PDS5A: variants seen among roughly 807,000 people sequenced by gnomAD.
The protein encoded by PDS5A is sister chromatid cohesion protein PDS5 homolog A.
PDS5A carries 42 observed loss-of-function variants against 167.1 expected under a neutral mutation model. The ratio of observed to expected loss-of-function variants is 0.25; its 90% confidence interval spans 0.20 to 0.33. The LOEUF (loss-of-function observed/expected upper bound fraction) is 0.33. Ranked by LOEUF, PDS5A falls within the 10% of genes least tolerant of loss-of-function variation. The pLI is 1.00. For missense variants in PDS5A, 1,033 were observed against 1,605.9 expected, an observed-to-expected ratio of 0.64 and a Z score of 6.10; for synonymous variants, 553 against 554.6, an observed-to-expected ratio of 1.00 and a Z score of 0.04.
chr4:39,833,388 A>G (rs1716103191), intron 32 of PDS5A, among the ~76,000 whole-genome samples: 1 of 151,796 alleles, frequency 6.6e-6, no homozygotes, highest in Admixed American at 6.6e-5. Flanking sequence ...TAAAATTGGT[A>G]TTTTGTGTGT....
chr4:39,938,125 T>C (rs183570213), intron 2 of PDS5A, among the ~76,000 whole-genome samples: 2 of 152,338 alleles, frequency 1.3e-5, no homozygotes, highest in Non-Finnish European at 2.9e-5. Flanking sequence ...TCGTTTTCTG[T>C]ATATCACTTT....
At position 39,976,610 on chromosome 4, in the gene PDS5A, A is replaced by G. The variant is rs749385926; in HGVS notation, c.-33T>C. The G allele has an allele frequency of 6.4e-7, 1 of 1,572,962 alleles. No homozygotes were observed. The highest frequency in any genetic ancestry group is 8.7e-7 in the Non-Finnish European group (1 of 1,152,182). On this transcript the variant is annotated 5_prime_UTR_variant, in exon 2 of 33. It removes the in-frame stop codon of an upstream open reading frame in the 5' UTR. Coordinates refer to ENST00000303538, the MANE Select transcript of PDS5A (RefSeq NM_001100399.2). ...GACAACTTTTGGTTCACAGTCCTCTACCGGCCTCTATCGGTCAGAAAACCA... is the reference window on the plus strand; with the variant it reads ...GACAACTTTTGGTTCACAGTCCTCTGCCGGCCTCTATCGGTCAGAAAACCA...
At chr4:39,867,822 C>T (rs1719685325) in intron 22 of PDS5A, among the ~76,000 whole-genome samples, 1 of 151,604 alleles carries the variant, frequency 6.6e-6, no homozygotes, top group South Asian at 2.1e-4. Context: ...TTGAGAGTTT[C>T]AGTTTTGTGG....
At chr4:39,938,691 G>A (rs910672745) in intron 2 of PDS5A, among the ~76,000 whole-genome samples, 3 of 152,058 alleles carry the variant, frequency 2.0e-5, no homozygotes, top group Non-Finnish European at 2.9e-5. Flanking sequence ...TATAAGTTAG[G>A]CCAGGCGCAG....
rs1266672597 is a variant in PDS5A, at chr4:39,904,095, T to A, written c.1330A>T (p.Ser444Cys). The A allele has an allele frequency of 6.2e-7, 1 of 1,612,230 alleles. No homozygotes were observed. Among genetic ancestry groups the A allele is most frequent in the Non-Finnish European group, 8.5e-7 (1 of 1,178,676 alleles). Residue 444 changes from serine to cysteine, a missense_variant, in exon 12 of 33, where the codon AGC (serine) becomes TGC (cysteine). Coordinates refer to ENST00000303538, the MANE Select transcript of PDS5A (RefSeq NM_001100399.2). ...TGCAGAAGTTTGTCCTTTATCCAGCTGACTTTCTCTGCAGCTTCCTTTCCT... is the reference window on the plus strand; with the variant it reads ...TGCAGAAGTTTGTCCTTTATCCAGCAGACTTTCTCTGCAGCTTCCTTTCCT... ...EAGKEAAEKV[S>C]WIKDKLLHIY...
At chr4:39,930,047 C>G (rs1418220166) in intron 2 of PDS5A, among the ~76,000 whole-genome samples, 1 of 150,722 alleles carries the variant, frequency 6.6e-6, no homozygotes, top group Non-Finnish European at 1.5e-5. Context: ...AACCCCGTCT[C>G]TACTAAAAAT....
intron 24 of PDS5A, 102 bp from the exon 25 acceptor site, chr4:39,863,175 TG>T: frequency 1.0e-6 from 1 of 971,080 alleles, no homozygotes; most frequent in Non-Finnish European, 1.6e-6. Flanking sequence ...GATAATTATA[TG>T]GGAGAATAAA....
At chr4:39,912,747 A>G (rs1724002002) in intron 9 of PDS5A, among the ~76,000 whole-genome samples, 1 of 152,230 alleles carries the variant, frequency 6.6e-6, no homozygotes, top group Admixed American at 6.5e-5. Context: ...ATGCAAGGAG[A>G]AATTTAATGA....
chr4:39,838,276 A>T, intron 31 of PDS5A, 68 bp from the exon 32 acceptor site: 2 of 1,162,848 alleles, frequency 1.7e-6, no homozygotes, highest in Non-Finnish European at 2.4e-6. Context: ...ATTAGAAAAG[A>T]GTGTTTTGAA....
chr4:39,879,952 G>A lies in PDS5A; in HGVS notation c.1887-119C>T, dbSNP rs1394699632. ...TTAAATTCAAAGGAGTTTCTGTGGG[G>A]GAAAAAAGTTCAACCTTGTCCTCTA... On this transcript the variant is annotated intron_variant, in intron 17 of 32. Transcript: ENST00000303538. 4 of 569,598 alleles carry A rather than the reference G, an allele frequency of 7.0e-6. No individual in the cohort carries two copies. The African/African-American group carries it at 7.4e-5, about 11-fold the overall frequency. 35.3% of individuals were successfully genotyped at this position (569,598 alleles called of 1,614,324 possible). A position where few individuals can be genotyped will look rare whatever the true frequency, so the allele number is the denominator to read the frequency against.
chr4:39,878,087 T>C (rs1442499864), intron 18 of PDS5A, among the ~76,000 whole-genome samples: 1 of 152,086 alleles, frequency 6.6e-6, no homozygotes, highest in African/African-American at 2.4e-5. Context: ...GTAGAAACAA[T>C]TCAGTTAGTG....
At position 39,927,955 on chromosome 4, in the gene PDS5A, A is replaced by T. The variant is rs773578235; in HGVS notation, c.342+6T>A. ...AATACAATAAAGTGAAAAAGGCTGT[A>T]TTTACCTTAAGTTTATCATGGGAAG... On this transcript the variant is annotated splice_donor_region_variant and intron_variant, in intron 3 of 32. Transcript: ENST00000303538. 6.3e-7 allele frequency: 1 copy of T among 1,599,356 alleles called. No individual in the cohort carries two copies. Among genetic ancestry groups the T allele is most frequent in the Non-Finnish European group, 8.6e-7 (1 of 1,166,780 alleles).
At position 39,842,937 on chromosome 4, in the gene PDS5A, A is replaced by ATT. The variant is rs1553888385; in HGVS notation, c.3549-883_3549-882dup. Among the ~76,000 whole-genome samples the ATT allele has an allele frequency of 4.2e-3, 584 of 139,738 alleles. 12 individuals carry two copies. The highest frequency in any genetic ancestry group is 0.015 in the African/African-American group (540 of 36,366). The allele number at this position is 139,738 out of a possible 152,430, so 91.7% of individuals were successfully genotyped here. ...TATATATATATATATATATATATAT[A>ATT]TTTTAAGAGACAGGGTCTTAGGCTG... On this transcript the variant is annotated intron_variant, in intron 30 of 32. Transcript: ENST00000303538.
In PDS5A at chr4:39,902,328, T is replaced by G. The variant is rs763604243; in HGVS notation, c.1499+19A>C. On this transcript the variant is annotated intron_variant, in intron 13 of 32. Coordinates refer to ENST00000303538, the MANE Select transcript of PDS5A (RefSeq NM_001100399.2). ...CGAAATCCTTAGAAAATACAGCAGT[T>G]ATTTGAAAAGTAACTTACTTTACAG... 1 of 1,106,052 alleles carries G rather than the reference T, an allele frequency of 9.0e-7. No individual in the cohort carries two copies. The highest frequency in any genetic ancestry group is 2.0e-4 in the Middle Eastern group (1 of 4,970). The allele number at this position is 1,106,052 out of a possible 1,614,324, so 68.5% of individuals were successfully genotyped here. A position where few individuals can be genotyped will look rare whatever the true frequency, so the allele number is the denominator to read the frequency against.
At chr4:39,886,090 T>C (rs1173865411) in intron 17 of PDS5A, among the ~76,000 whole-genome samples, 1 of 152,202 alleles carries the variant, frequency 6.6e-6, no homozygotes, top group Non-Finnish European at 1.5e-5. Context: ...CTTCCCTCCT[T>C]GTATGTTCTT....
intron 2 of PDS5A, among the ~76,000 whole-genome samples, chr4:39,930,246 A>AAAAAAAAAAAAATTT: frequency 5.4e-5 from 5 of 93,166 alleles, no homozygotes; most frequent in Non-Finnish European, 9.0e-5. Flanking sequence ...AAAAAAAAAA[A>AAAAAAAAAAAAATTT]GTTTTTTTGT....
intron 13 of PDS5A, among the ~76,000 whole-genome samples, chr4:39,901,007 T>C (rs918615400): frequency 1.3e-5 from 2 of 152,200 alleles, no homozygotes; most frequent in Non-Finnish European, 2.9e-5. Context: ...AGATTCAAGA[T>C]GCCAAATTTA....
intron 11 of PDS5A, among the ~76,000 whole-genome samples, chr4:39,904,753 T>A (rs1294002582): frequency 6.6e-6 from 1 of 152,246 alleles, no homozygotes; most frequent in Non-Finnish European, 1.5e-5. Flanking sequence ...GGTCTCAAAT[T>A]TCTGGGCTAA....
intron 18 of PDS5A, 64 bp from the exon 19 acceptor site, chr4:39,877,217 C>T: frequency 9.5e-7 from 1 of 1,048,764 alleles, no homozygotes. Flanking sequence ...AAAAGAATTA[C>T]TTCCCGCAAA....
Sources: gnomAD v4.1 joint callset for allele counts (sites outside exome capture counted in the v4.1 genomes callset) on GRCh38, gnomAD v4.1.1 for gene constraint, MANE v1.5 for transcripts, NCBI Gene and HGNC (gene_info 2026-07-23, HGNC 2026-07-21) for gene names.